CNTN5: variants seen among roughly 807,000 people sequenced by gnomAD.
CNTN5 encodes contactin-5.
CNTN5 carries 77 observed loss-of-function variants against 129.1 expected under a neutral mutation model. That is an observed-to-expected ratio of 0.60 (90% CI 0.50 to 0.72). The LOEUF is 0.72. CNTN5 is among the 30% of genes least tolerant of loss of function. The probability of loss-of-function intolerance (pLI) is 0.00; values close to 1 mark genes in which losing one functional copy is unlikely to be tolerated. For missense variants in CNTN5, 1,478 were observed against 1,328.8 expected (o/e 1.11, Z -1.75); for synonymous variants, 509 against 465.6 (o/e 1.09, Z -1.20).
At chr11:99,972,440 G>A (rs912268443) in intron 8 of CNTN5, among the ~76,000 whole-genome samples, 3 of 152,124 alleles carry the variant, frequency 2.0e-5, no homozygotes, top group South Asian at 2.1e-4. Flanking sequence ...GTGTCCCTGC[G>A]CCTCAACCTT....
intron 2 of CNTN5, among the ~76,000 whole-genome samples, chr11:99,537,835 A>C (rs1458119477): frequency 6.6e-6 from 1 of 152,184 alleles, no homozygotes; most frequent in African/African-American, 2.4e-5. Context: ...GGAATAGCAG[A>C]GGTAGCCTCA....
chr11:99,093,438 T>C (rs1257842334), intron 1 of CNTN5, among the ~76,000 whole-genome samples: 2 of 122,244 alleles, frequency 1.6e-5, no homozygotes, highest in African/African-American at 6.6e-5. Flanking sequence ...GTTGCTATTG[T>C]TTTTCTGTTT....
At chr11:99,777,297 C>G (rs1229926431) in intron 3 of CNTN5, among the ~76,000 whole-genome samples, 1 of 151,706 alleles carries the variant, frequency 6.6e-6, no homozygotes. Context: ...AAATTTTTGA[C>G]CATGATTACA....
intron 7 of CNTN5, among the ~76,000 whole-genome samples, chr11:99,939,651 A>G (rs1368352242): frequency 6.6e-6 from 1 of 152,130 alleles, no homozygotes; most frequent in Non-Finnish European, 1.5e-5. Flanking sequence ...GATATTTAAT[A>G]GAAAAAAATA....
Position 99,295,792 on chromosome 11 carries a change from C to T in CNTN5, c.-209-29554C>T, listed in dbSNP as rs899991992. On this transcript the variant is annotated intron_variant, in intron 1 of 24. Coordinates refer to ENST00000524871, the MANE Select transcript of CNTN5 (RefSeq NM_014361.4). ...TGGGGAGGCTGAGGCAGGAGAATGG[C>T]GTGAACCCAGGAAGCAGAGCTTGCA... Among the ~76,000 whole-genome samples the T allele has an allele frequency of 4.8e-5, 7 of 147,354 alleles. No individual in the cohort carries two copies. The East Asian group carries it at 8.3e-4, about 17-fold the overall frequency.
chr11:99,243,443 G>A (rs569248166), intron 1 of CNTN5, among the ~76,000 whole-genome samples: 65 of 152,102 alleles, frequency 4.3e-4, no homozygotes, highest in Middle Eastern at 6.8e-3. Context: ...CTTTTGCTGT[G>A]CAGAAGAAGC....
intron 18 of CNTN5, among the ~76,000 whole-genome samples, chr11:100,296,072 G>A (rs1307542697): frequency 6.6e-6 from 1 of 151,410 alleles, no homozygotes; most frequent in Non-Finnish European, 1.5e-5. Flanking sequence ...TAGCAAAAAA[G>A]GCAATGTTTG....
intron 3 of CNTN5, among the ~76,000 whole-genome samples, chr11:99,614,470 G>C (rs549351866): frequency 6.6e-6 from 1 of 152,284 alleles, no homozygotes; most frequent in Non-Finnish European, 1.5e-5. Flanking sequence ...AGCAAGGCTT[G>C]TCTCAGTGGC....
intron 7 of CNTN5, among the ~76,000 whole-genome samples, chr11:99,923,761 A>ATCTG (rs1329115764): frequency 1.2e-5 from 1 of 85,904 alleles, no homozygotes; most frequent in Non-Finnish European, 2.6e-5. Flanking sequence ...CTGTCTGTCT[A>ATCTG]TCTATCTATC....
intron 16 of CNTN5, among the ~76,000 whole-genome samples, chr11:100,236,676 C>T (rs1478635362): frequency 3.9e-5 from 6 of 151,998 alleles, no homozygotes; most frequent in Non-Finnish European, 8.8e-5. Flanking sequence ...ATAAGTTCCC[C>T]GACTGTAGCT....
intron 20 of CNTN5, 150 bp from the exon 21 acceptor site, chr11:100,308,209 T>A (rs1305040219): frequency 3.3e-6 from 2 of 608,160 alleles, no homozygotes; most frequent in Admixed American, 6.8e-5. Context: ...TCCAAAAGGA[T>A]CACCTTTATA....
chr11:99,820,401 T>G (rs1295525954), intron 4 of CNTN5, among the ~76,000 whole-genome samples: 2 of 152,298 alleles, frequency 1.3e-5, no homozygotes, highest in African/African-American at 4.8e-5. Flanking sequence ...AAGATAAGTA[T>G]ATACTTAGCA....
chr11:99,354,629 C>T (rs1321878487), intron 2 of CNTN5, among the ~76,000 whole-genome samples: 2 of 152,108 alleles, frequency 1.3e-5, no homozygotes, highest in South Asian at 2.1e-4. Context: ...ACCAGCATAA[C>T]CTCTAACATA....
intron 2 of CNTN5, among the ~76,000 whole-genome samples, chr11:99,463,560 T>C (rs535265359): frequency 4.7e-5 from 7 of 148,526 alleles, no homozygotes; most frequent in Non-Finnish European, 8.8e-5. Flanking sequence ...ATAATGTCTA[T>C]ACTGTATAAT....
rs548830910 is a variant in CNTN5 at position 99,396,743 on chromosome 11, A to G, written c.-71+71259A>G. Among the ~76,000 whole-genome samples the G allele has an allele frequency of 2.6e-5, 4 of 151,866 alleles. No homozygotes were observed. The South Asian group carries it at 6.2e-4, about 24-fold the overall frequency. On this transcript the variant is annotated intron_variant, in intron 2 of 24. Transcript: ENST00000524871. ...ACAGTTAGGAGATAAGACATCTTTCATGTTTTATTTTAATATGGAAAAAGA... is the reference window on the plus strand; with the variant it reads ...ACAGTTAGGAGATAAGACATCTTTCGTGTTTTATTTTAATATGGAAAAAGA...
intron 13 of CNTN5, among the ~76,000 whole-genome samples, chr11:100,114,180 TAGAC>T (rs1390645239): frequency 3.3e-5 from 5 of 152,116 alleles, no homozygotes; most frequent in African/African-American, 7.2e-5. Flanking sequence ...AGATCAAAAA[TAGAC>T]AGTGTTATCT....
At chr11:99,184,554 C>T in intron 1 of CNTN5, among the ~76,000 whole-genome samples, 1 of 152,046 alleles carries the variant, frequency 6.6e-6, no homozygotes, top group East Asian at 1.9e-4. Context: ...AGTGTTTTAA[C>T]ATATTTGCCC....
rs118020533 is a variant in CNTN5, at chr11:99,728,112, G to T, written c.56-91432G>T. The stretch of plus-strand genomic sequence containing the variant: ...TTAGAATCAGTAGGGAAAAGTGATG[G>T]ATTTTTAAAAAGAAATATGTTAAGA... On this transcript the variant is annotated intron_variant, in intron 3 of 24. Coordinates refer to ENST00000524871, the MANE Select transcript of CNTN5 (RefSeq NM_014361.4). 1.8e-3 allele frequency among the ~76,000 whole-genome samples: 278 copies of T among 152,172 alleles called. 2 individuals are homozygous for T. Among genetic ancestry groups the T allele is most frequent in the Non-Finnish European group, 1.3e-3 (86 of 68,000 alleles).
intron 3 of CNTN5, among the ~76,000 whole-genome samples, chr11:99,695,126 A>G (rs1210834209): frequency 1.3e-5 from 2 of 152,078 alleles, no homozygotes; most frequent in Non-Finnish European, 2.9e-5. Context: ...TATCTAAATT[A>G]GGTAGAAGGG....
Sources: gnomAD v4.1 joint callset for allele counts (sites outside exome capture counted in the v4.1 genomes callset) on GRCh38, gnomAD v4.1.1 for gene constraint, MANE v1.5 for transcripts, NCBI Gene and HGNC (gene_info 2026-07-23, HGNC 2026-07-21) for gene names.